Variants in B3GAT2 observed in about 807,000 individuals in gnomAD.
The protein encoded by B3GAT2 is galactosylgalactosylxylosylprotein 3-beta-glucuronosyltransferase 2.
Under a neutral mutation model 27.8 loss-of-function variants are expected in B3GAT2, and 26 were observed. The observed-to-expected ratio is 0.93, with a 90% CI of 0.68 to 1.30. The LOEUF is 1.30. Ranked by LOEUF, B3GAT2 falls within the 50% of genes most tolerant of loss-of-function variation. The probability of loss-of-function intolerance (pLI) is 0.00; values close to 1 mark genes in which losing one functional copy is unlikely to be tolerated. For synonymous variants in B3GAT2, 218 were observed against 195.1 expected (o/e 1.12, Z -0.98); for missense variants, 458 against 459.0 (o/e 1.00, Z 0.02).
intron 1 of B3GAT2, among the ~76,000 whole-genome samples, chr6:70,924,165 A>G (rs1275173052): frequency 1.3e-5 from 2 of 152,222 alleles, no homozygotes; most frequent in Non-Finnish European, 2.9e-5. Context: ...TTTAAAAAAT[A>G]AAACCTACCA....
chr6:70,941,057 G>A (rs1765384357), intron 1 of B3GAT2, among the ~76,000 whole-genome samples: 1 of 152,080 alleles, frequency 6.6e-6, no homozygotes, highest in African/African-American at 2.4e-5. Context: ...TTGTAGACAA[G>A]CCCTATTTAA....
chr6:70,909,169 T>C (rs559222646), intron 1 of B3GAT2, among the ~76,000 whole-genome samples: 4 of 151,922 alleles, frequency 2.6e-5, no homozygotes, highest in African/African-American at 7.3e-5. Flanking sequence ...CACACACACA[T>C]GCTAGGGCTG....
intron 2 of B3GAT2, among the ~76,000 whole-genome samples, chr6:70,882,174 T>C (rs1231570779): frequency 2.0e-5 from 3 of 152,194 alleles, no homozygotes; most frequent in African/African-American, 7.2e-5. Context: ...CAGTGACTTC[T>C]TAGATATGAC....
At chr6:70,899,817 C>T (rs1380121572) in intron 1 of B3GAT2, among the ~76,000 whole-genome samples, 1 of 152,188 alleles carries the variant, frequency 6.6e-6, no homozygotes, top group Non-Finnish European at 1.5e-5. Flanking sequence ...GATTCCTTAA[C>T]AGCCCTGTTA....
At chr6:70,928,114 T>A (rs1048664817) in intron 1 of B3GAT2, among the ~76,000 whole-genome samples, 1 of 152,076 alleles carries the variant, frequency 6.6e-6, no homozygotes, top group Non-Finnish European at 1.5e-5. Flanking sequence ...AAGGCAGAAA[T>A]AAAGATGTTC....
intron 2 of B3GAT2, among the ~76,000 whole-genome samples, chr6:70,871,216 T>G (rs1392265131): frequency 3.4e-5 from 4 of 119,344 alleles, no homozygotes; most frequent in South Asian, 2.6e-4. Context: ...CTGTTTTTTT[T>G]TTTTTGTTTT....
At chr6:70,939,600 A>G (rs887736139) in intron 1 of B3GAT2, among the ~76,000 whole-genome samples, 7 of 151,944 alleles carry the variant, frequency 4.6e-5, no homozygotes, top group Non-Finnish European at 8.8e-5. Context: ...CTTTGCAGGG[A>G]CATGGATGAA....
rs767567406 is a variant in B3GAT2 at position 70,858,404 on chromosome 6, T to G, written c.*3259A>C. On this transcript the variant is annotated 3_prime_UTR_variant, in exon 4 of 4. Coordinates refer to ENST00000230053, the MANE Select transcript of B3GAT2 (RefSeq NM_080742.3). ...ATAAATATTATGAAGTTGTATCAGA[T>G]AGACAAATGATGTGTTATTATCGCT... 29 of 558,768 alleles carry G rather than the reference T, an allele frequency of 5.2e-5. No individual in the cohort carries two copies. Among genetic ancestry groups the G allele is most frequent in the Non-Finnish European group, 6.8e-5 (23 of 340,280 alleles). The allele number at this position is 558,768 out of a possible 1,614,324, so 34.6% of individuals were successfully genotyped here. A position where few individuals can be genotyped will look rare whatever the true frequency, so the allele number is the denominator to read the frequency against.
In B3GAT2 at chr6:70,920,916, T is replaced by C. The variant is rs574949040; in HGVS notation, c.592-26644A>G. Among the ~76,000 whole-genome samples the C allele has an allele frequency of 2.3e-3, 351 of 152,312 alleles. 3 individuals carry two copies. Among genetic ancestry groups the C allele is most frequent in the Non-Finnish European group, 4.0e-3 (275 of 68,028 alleles). ...AAGCTTAGTCTTGCTGCACAGGAAA[T>C]ACTTGGTTGGAATTTTTTTTGCTGA... On this transcript the variant is annotated intron_variant, in intron 1 of 3. Coordinates refer to ENST00000230053, the MANE Select transcript of B3GAT2 (RefSeq NM_080742.3).
At chr6:70,930,828 T>C (rs1037746997) in intron 1 of B3GAT2, among the ~76,000 whole-genome samples, 1 of 152,160 alleles carries the variant, frequency 6.6e-6, no homozygotes, top group Admixed American at 6.5e-5. Context: ...GCCATCCCAT[T>C]ACTGGTTATA....
chr6:70,918,385 C>A (rs1772810617), intron 1 of B3GAT2, among the ~76,000 whole-genome samples: 1 of 152,110 alleles, frequency 6.6e-6, no homozygotes, highest in African/African-American at 2.4e-5. Context: ...GGGCATTTAG[C>A]CCACTTACAT....
intron 1 of B3GAT2, among the ~76,000 whole-genome samples, chr6:70,930,925 G>C (rs1773051387): frequency 6.6e-6 from 1 of 152,122 alleles, no homozygotes; most frequent in Admixed American, 6.5e-5. Flanking sequence ...CAAAGACTTG[G>C]AACCAACCCA....
Position 70,858,299 on chromosome 6 carries a change from T to G in B3GAT2, c.*3364A>C, listed in dbSNP as rs867177074. 0.021 allele frequency: 26,891 copies of G among 1,272,808 alleles called. 439 individuals are homozygous for G. The highest frequency in any genetic ancestry group is 0.086 in the South Asian group (4,905 of 57,156). 78.8% of individuals were successfully genotyped at this position (1,272,808 alleles called of 1,614,324 possible). A position where few individuals can be genotyped will look rare whatever the true frequency, so the allele number is the denominator to read the frequency against. ...TTATTTTCTAAATCTTTTTTTTTTT[T>G]TTTTTTTTTTTTTTTTAAGTCTAGT... On this transcript the variant is annotated 3_prime_UTR_variant, in exon 4 of 4. Transcript: ENST00000230053.
intron 1 of B3GAT2, among the ~76,000 whole-genome samples, chr6:70,901,803 G>A (rs78348140): frequency 0.01 from 1,535 of 152,186 alleles, 31 homozygotes; most frequent in African/African-American, 0.034. Context: ...AATGGGCCAC[G>A]CATTTCAAAA....
chr6:70,950,283 T>C (rs1002878776), intron 1 of B3GAT2, among the ~76,000 whole-genome samples: 14 of 98,278 alleles, frequency 1.4e-4, no homozygotes, highest in African/African-American at 5.4e-4. Flanking sequence ...AAGTACATTT[T>C]CTTGCAAAAA....
chr6:70,923,740 G>A (rs1408416484), intron 1 of B3GAT2, among the ~76,000 whole-genome samples: 1 of 152,116 alleles, frequency 6.6e-6, no homozygotes, highest in Non-Finnish European at 1.5e-5. Context: ...GTATTATTTT[G>A]TTGATAATTT....
At chr6:70,948,224 T>C (rs546502285) in intron 1 of B3GAT2, among the ~76,000 whole-genome samples, 6 of 146,858 alleles carry the variant, frequency 4.1e-5, no homozygotes, top group African/African-American at 7.6e-5. Context: ...TTGGAAGTTC[T>C]GGCCAGGGTA....
chr6:70,941,665 A>G (rs1387923890), intron 1 of B3GAT2, among the ~76,000 whole-genome samples: 1 of 152,198 alleles, frequency 6.6e-6, no homozygotes, highest in Non-Finnish European at 1.5e-5. Context: ...AAAGGGCTCA[A>G]TACAATCTTA....
intron 2 of B3GAT2, among the ~76,000 whole-genome samples, chr6:70,876,876 CAGGAGTTGGAGAAGCAAATG>C (rs1376126159): frequency 6.6e-6 from 1 of 152,160 alleles, no homozygotes; most frequent in Non-Finnish European, 1.5e-5. Context: ...TTTGGGAGCA[CAGGAGTTGGAGAAGCAAATG>C]CTATCTGACT....
Sources: allele counts gnomAD v4.1 joint callset (sites outside exome capture counted in the v4.1 genomes callset), GRCh38; gene constraint gnomAD v4.1.1; transcripts MANE v1.5; gene names NCBI Gene and HGNC (gene_info 2026-07-23, HGNC 2026-07-21).